Variants in SNX7 observed in about 807,000 individuals in gnomAD.
The protein encoded by SNX7 is sorting nexin-7.
Under a neutral mutation model 48.4 loss-of-function variants are expected in SNX7, and 35 were observed. The observed-to-expected ratio is 0.72, with a 90% CI of 0.55 to 0.96. The LOEUF is 0.96. SNX7 is among the 40% of genes least tolerant of loss of function. SNX7 has a pLI of 0.00. For missense variants in SNX7, 553 were observed against 548.9 expected, an observed-to-expected ratio of 1.01 and a Z score of -0.07; for synonymous variants, 190 against 190.2, an observed-to-expected ratio of 1.00 and a Z score of 0.01.
At chr1:98,676,749 C>T (rs908125107) in intron 1 of SNX7, among the ~76,000 whole-genome samples, 2 of 152,166 alleles carry the variant, frequency 1.3e-5, no homozygotes, top group Admixed American at 6.5e-5. Context: ...CTTCCTAAAA[C>T]ATCAGAATTT....
At chr1:98,756,146 T>G (rs1220372818) in intron 8 of SNX7, among the ~76,000 whole-genome samples, 2 of 152,008 alleles carry the variant, frequency 1.3e-5, no homozygotes, top group African/African-American at 4.8e-5. Flanking sequence ...CTTAAATTTA[T>G]CATAGTCTAC....
At chr1:98,757,727 CTGATTGATTGAT>C (rs36110396) in intron 8 of SNX7, among the ~76,000 whole-genome samples, 1 of 150,418 alleles carries the variant, frequency 6.6e-6, no homozygotes, top group African/African-American at 2.5e-5. Context: ...TAGTATCTAC[CTGATTGATTGAT>C]TGATTGATTG....
At chr1:98,748,993 G>T (rs1272168749) in intron 8 of SNX7, among the ~76,000 whole-genome samples, 2 of 152,116 alleles carry the variant, frequency 1.3e-5, no homozygotes, top group Admixed American at 6.6e-5. Flanking sequence ...ACAGTTGGTT[G>T]TACTTTCAGC....
At chr1:98,713,276 A>C (rs1221963775) in intron 7 of SNX7, among the ~76,000 whole-genome samples, 1 of 152,102 alleles carries the variant, frequency 6.6e-6, no homozygotes, top group African/African-American at 2.4e-5. Context: ...CTAGTGAACC[A>C]ACCTCTGCTA....
intron 1 of SNX7, among the ~76,000 whole-genome samples, chr1:98,664,066 AAAAC>A (rs1649411138): frequency 6.6e-6 from 1 of 152,190 alleles, no homozygotes; most frequent in Non-Finnish European, 1.5e-5. Context: ...GCTCCTCTAT[AAAAC>A]AAACACCACT....
chr1:98,689,568 G>A (rs543809326), intron 2 of SNX7, among the ~76,000 whole-genome samples: 1 of 152,110 alleles, frequency 6.6e-6, no homozygotes, highest in Admixed American at 6.5e-5. Context: ...ATATTCTTAG[G>A]GACGTATACA....
intron 7 of SNX7, among the ~76,000 whole-genome samples, chr1:98,736,923 C>T (rs1653808968): frequency 6.6e-6 from 1 of 152,046 alleles, no homozygotes; most frequent in African/African-American, 2.4e-5. Context: ...TATAAGGCCC[C>T]TTTTAAAACA....
chr1:98,685,068 G>T lies in SNX7; in HGVS notation c.363+1G>T. The T allele has an allele frequency of 6.9e-7, 1 of 1,446,668 alleles. No individual in the cohort carries two copies. The highest frequency in any genetic ancestry group is 9.2e-7 in the Non-Finnish European group (1 of 1,086,456). The allele number at this position is 1,446,668 out of a possible 1,614,324, so 89.6% of individuals were successfully genotyped here. On this transcript the variant is annotated splice_donor_variant, in intron 2 of 8. Transcript: ENST00000306121. LOFTEE classifies it high-confidence loss of function. ...CATTACGTATAGGATTATTACTAAG[G>T]TAAACATTTGGTGAATATTTTCTTG...
intron 1 of SNX7, among the ~76,000 whole-genome samples, chr1:98,675,904 T>G (rs559255245): frequency 1.3e-5 from 2 of 152,336 alleles, no homozygotes; most frequent in East Asian, 3.9e-4. Context: ...ACAACTGTTT[T>G]ATCACTACGG....
chr1:98,668,884 C>T (rs1649685432), intron 1 of SNX7, among the ~76,000 whole-genome samples: 1 of 152,162 alleles, frequency 6.6e-6, no homozygotes, highest in Non-Finnish European at 1.5e-5. Flanking sequence ...AATTCTGTCA[C>T]TAAAAATGTT....
intron 1 of SNX7, among the ~76,000 whole-genome samples, chr1:98,671,061 T>C (rs1004721651): frequency 9.9e-5 from 15 of 152,218 alleles, no homozygotes; most frequent in Non-Finnish European, 1.3e-4. Flanking sequence ...CCTCATAGCC[T>C]GCTGTAGTTT....
At position 98,760,273 on chromosome 1, in the gene SNX7, T is replaced by C. The variant is rs1655049167; in HGVS notation, c.*142T>C. 1.6e-6 allele frequency: 1 copy of C among 636,448 alleles called. No homozygotes were observed. The highest frequency in any genetic ancestry group is 1.8e-5 in the African/African-American group (1 of 54,640). The allele number at this position is 636,448 out of a possible 1,614,324, so 39.4% of individuals were successfully genotyped here. ...AAAACCAACAACTTGAAATCTCAGG[T>C]ATTCCAGGTCACTGACATGAATTTG... On this transcript the variant is annotated 3_prime_UTR_variant, in exon 9 of 9. Transcript: ENST00000306121.
intron 1 of SNX7, among the ~76,000 whole-genome samples, chr1:98,668,005 T>G (rs990399524): frequency 1.3e-5 from 2 of 151,948 alleles, no homozygotes; most frequent in East Asian, 3.9e-4. Context: ...TTGCAAAAAA[T>G]TTCACTCTGT....
chr1:98,678,342 TAATG>T (rs1233314041), intron 1 of SNX7, among the ~76,000 whole-genome samples: 5 of 152,208 alleles, frequency 3.3e-5, no homozygotes, highest in African/African-American at 4.8e-5. Context: ...GGATTCACCC[TAATG>T]ATCCAGACAC....
At chr1:98,681,601 C>A (rs183199047) in intron 1 of SNX7, among the ~76,000 whole-genome samples, 10 of 152,174 alleles carry the variant, frequency 6.6e-5, no homozygotes, top group Middle Eastern at 3.4e-3. Context: ...GAAACATTGC[C>A]TATAAAGTAG....
chr1:98,729,784 A>G (rs544671697), intron 7 of SNX7, among the ~76,000 whole-genome samples: 2 of 152,240 alleles, frequency 1.3e-5, no homozygotes, highest in Admixed American at 1.3e-4. Flanking sequence ...CTACCAACCA[A>G]AAAGCCCAGG....
At chr1:98,722,770 C>T (rs1165855804) in intron 7 of SNX7, among the ~76,000 whole-genome samples, 1 of 147,694 alleles carries the variant, frequency 6.8e-6, no homozygotes, top group African/African-American at 2.5e-5. Flanking sequence ...GATATAGCTT[C>T]CATTTAAAAA....
chr1:98,699,898 T>A (rs1357852882), intron 6 of SNX7, among the ~76,000 whole-genome samples: 1 of 152,168 alleles, frequency 6.6e-6, no homozygotes, highest in African/African-American at 2.4e-5. Context: ...CCCAAAAGCC[T>A]TCGATGTTTC....
At chr1:98,682,219 CTCGCT>C (rs1304686390) in intron 1 of SNX7, among the ~76,000 whole-genome samples, 2 of 151,614 alleles carry the variant, frequency 1.3e-5, no homozygotes, top group Non-Finnish European at 2.9e-5. Flanking sequence ...TCCTTCATCC[CTCGCT>C]TCCTTTATTC....
Sources: allele counts gnomAD v4.1 joint callset (sites outside exome capture counted in the v4.1 genomes callset), GRCh38; gene constraint gnomAD v4.1.1; transcripts MANE v1.5; gene names NCBI Gene and HGNC (gene_info 2026-07-23, HGNC 2026-07-21).